The following MEX3D variants were observed in gnomAD, a reference collection of about 807,000 sequenced individuals.
MEX3D encodes the protein mex-3 RNA binding family member D, also known as RNA-binding protein MEX3D.
Under a neutral mutation model 6.3 loss-of-function variants are expected in MEX3D, and 4 were observed. The observed-to-expected ratio is 0.64, with a 90% CI of 0.31 to 1.46. The LOEUF (loss-of-function observed/expected upper bound fraction) is 1.46, where lower values mean the gene tolerates loss of function less well. Among genes scored for constraint, MEX3D ranks in the 40% most tolerant of loss-of-function variants. The pLI is 0.07. For synonymous variants in MEX3D, 626 were observed against 494.1 expected (o/e 1.27, Z -3.54); for missense variants, 1,038 against 994.4 (o/e 1.04, Z -0.59).
In MEX3D at chr19:1,556,413, G is replaced by A; in HGVS notation, c.1106C>T (p.Ala369Val). 3 of 1,577,764 alleles carry A rather than the reference G, an allele frequency of 1.9e-6. No homozygotes were observed. Among genetic ancestry groups the A allele is most frequent in the South Asian group, 1.1e-5 (1 of 89,438 alleles). Residue 369 changes from alanine to valine, a missense_variant, in exon 2 of 2, where the codon GCC (alanine) becomes GTC (valine). This residue lies in a region of MEX3D where 581 missense variants were observed against 516.2 expected (regional missense o/e 1.13). Coordinates refer to ENST00000402693, the MANE Select transcript of MEX3D (RefSeq NM_203304.4). The surrounding 1 kb of genome is among the most constrained non-coding windows in gnomAD (Gnocchi z 7.5). ...TDVCLDLLGA[A>V]ASLWAKTPNQ... ...GGGGGTCTTGGCCCAGAGGCTGGCG[G>A]CCGCCCCGAGCAGGTCCAGGCAGAC...
At position 1,555,293 on chromosome 19, in the gene MEX3D, G is replaced by A; in HGVS notation, c.*270C>T. The A allele has an allele frequency of 6.4e-7, 1 of 1,567,362 alleles. No homozygotes were observed. The highest frequency in any genetic ancestry group is 8.7e-7 in the Non-Finnish European group (1 of 1,150,910). ...AATAAGAAAACTAAAAAAAGTGCAA[G>A]CGGACCTTTTCTCTCCGGTTTATTG... On this transcript the variant is annotated 3_prime_UTR_variant, in exon 2 of 2. Transcript: ENST00000402693.
Position 1,567,717 on chromosome 19 carries a change from G to T in MEX3D, c.342C>A (p.Thr114=). Residue 114 remains threonine (T), a synonymous_variant, in exon 1 of 2, where the codon ACC becomes ACA. Transcript: ENST00000402693. The surrounding 1 kb of genome is among the most constrained non-coding windows in gnomAD (Gnocchi z 6.5). ...ACCCGGGGGCCACGGCGGGGGCCAG[G>T]GTCGGGGGCGCGCCGGCCTCAGGTC... ...PDGPEAGAPP[T]LAPAVAPGSL... 2.0e-6 allele frequency: 2 copies of T among 1,015,946 alleles called. No homozygotes were observed. The highest frequency in any genetic ancestry group is 2.4e-6 in the Non-Finnish European group (2 of 841,684). The allele number at this position is 1,015,946 out of a possible 1,614,324, so 62.9% of individuals were successfully genotyped here.
At position 1,555,372 on chromosome 19, in the gene MEX3D, G is replaced by A. The variant is rs752108835; in HGVS notation, c.*191C>T. On this transcript the variant is annotated 3_prime_UTR_variant, in exon 2 of 2. Coordinates refer to ENST00000402693, the MANE Select transcript of MEX3D (RefSeq NM_203304.4). ...AGGGCTGAGGCGCCGCCGGGCTGCG[G>A]GGTCTCCGTCTCCACGCCTGAGGCG... is the stretch of plus-strand genomic sequence containing the variant. 11 of 1,602,040 alleles carry A rather than the reference G, an allele frequency of 6.9e-6. No homozygotes were observed. Among genetic ancestry groups the A allele is most frequent in the Non-Finnish European group, 8.5e-6 (10 of 1,173,872 alleles).
chr19:1,560,028 G>GTCTCTCCTAACATGCCTGAC (rs1914679001), intron 1 of MEX3D, among the ~76,000 whole-genome samples: 1 of 152,238 alleles, frequency 6.6e-6, no homozygotes, highest in African/African-American at 2.4e-5. Flanking sequence ...GCTCTTCTGA[G>GTCTCTCCTAACATGCCTGAC]TCTCTCCTAA....
intron 1 of MEX3D, among the ~76,000 whole-genome samples, chr19:1,557,847 C>T (rs1200402975): frequency 4.0e-4 from 38 of 94,864 alleles, no homozygotes; most frequent in Non-Finnish European, 5.8e-4. Flanking sequence ...GGTGACAGAG[C>T]GAGACTGTCT....
chr19:1,567,453 G>C lies in MEX3D; in HGVS notation c.595+11C>G, dbSNP rs1185271832. On this transcript the variant is annotated intron_variant, in intron 1 of 1. Transcript: ENST00000402693. The surrounding 1 kb of genome is among the most constrained non-coding windows in gnomAD (Gnocchi z 6.5). Reference sequence around the variant, plus strand: ...CCCCCAGGACAGCAACCCCCGACGAGGGCCACTCACCCTGGCGACCCACGA... The same window carrying C: ...CCCCCAGGACAGCAACCCCCGACGACGGCCACTCACCCTGGCGACCCACGA... The C allele has an allele frequency of 6.4e-7, 1 of 1,560,814 alleles. No homozygotes were observed. Among genetic ancestry groups the C allele is most frequent in the African/African-American group, 1.4e-5 (1 of 70,374 alleles).
chr19:1,557,424 G>A (rs1914602347), intron 1 of MEX3D, among the ~76,000 whole-genome samples: 1 of 151,330 alleles, frequency 6.6e-6, no homozygotes, highest in South Asian at 2.1e-4. Context: ...CAATCATCCG[G>A]GTGTAGCGGC....
At position 1,567,612 on chromosome 19, in the gene MEX3D, G is replaced by T; in HGVS notation, c.447C>A (p.Gly149=). 1 of 1,408,008 alleles carries T rather than the reference G, an allele frequency of 7.1e-7. No homozygotes were observed. The highest frequency in any genetic ancestry group is 9.3e-7 in the Non-Finnish European group (1 of 1,076,094). 87.2% of individuals were successfully genotyped at this position (1,408,008 alleles called of 1,614,324 possible). The change falls in exon 1 of 2, where the codon GGC becomes GGA. Residue 149 remains glycine, a synonymous_variant. Coordinates refer to ENST00000402693, the MANE Select transcript of MEX3D (RefSeq NM_203304.4). The surrounding 1 kb of genome is among the most constrained non-coding windows in gnomAD (Gnocchi z 6.5). ...PRPSPPDVFA[G]FAPHPAALGP... ...CCAGGGCCGCGGGGTGGGGCGCGAAGCCCGCGAACACGTCGGGGGGCGACG... is the reference window on the plus strand; with the variant it reads ...CCAGGGCCGCGGGGTGGGGCGCGAATCCCGCGAACACGTCGGGGGGCGACG...
At position 1,567,436 on chromosome 19, in the gene MEX3D, A is replaced by G; in HGVS notation, c.595+28T>C. On this transcript the variant is annotated intron_variant, in intron 1 of 1. Coordinates refer to ENST00000402693, the MANE Select transcript of MEX3D (RefSeq NM_203304.4). The surrounding 1 kb of genome is among the most constrained non-coding windows in gnomAD (Gnocchi z 6.5). ...GGCGGACGGTGCGGGGACCCCCAGGACAGCAACCCCCGACGAGGGCCACTC... is the reference window on the plus strand; with the variant it reads ...GGCGGACGGTGCGGGGACCCCCAGGGCAGCAACCCCCGACGAGGGCCACTC... 1.3e-6 allele frequency: 2 copies of G among 1,550,082 alleles called. No individual in the cohort carries two copies. Among genetic ancestry groups the G allele is most frequent in the Non-Finnish European group, 1.7e-6 (2 of 1,152,060 alleles).
In MEX3D at chr19:1,556,935, G is replaced by C. The variant is rs780335819; in HGVS notation, c.596-12C>G. ...CTTGATCTTGCAGCCTGTCCGGGAG[G>C]GAGGGGAAGGACAAGGTGACCCAGA... On this transcript the variant is annotated splice_polypyrimidine_tract_variant and intron_variant, in intron 1 of 1. Coordinates refer to ENST00000402693, the MANE Select transcript of MEX3D (RefSeq NM_203304.4). This position sits in a 1 kb window ranked among gnomAD's most constrained non-coding sequence, Gnocchi z 7.5. 4.2e-5 allele frequency: 66 copies of C among 1,584,386 alleles called. No homozygotes were observed. The highest frequency in any genetic ancestry group is 5.5e-5 in the Non-Finnish European group (64 of 1,168,268).
At chr19:1,566,286 G>A (rs1599329325) in intron 1 of MEX3D, among the ~76,000 whole-genome samples, 1 of 152,174 alleles carries the variant, frequency 6.6e-6, no homozygotes, top group East Asian at 1.9e-4. Context: ...CCCCACATGA[G>A]CTGGACAAAT....
At chr19:1,559,010 A>ATTTTTT in intron 1 of MEX3D, among the ~76,000 whole-genome samples, 1 of 147,336 alleles carries the variant, frequency 6.8e-6, no homozygotes, top group Non-Finnish European at 1.5e-5. Flanking sequence ...CTTTTTTGAG[A>ATTTTTT]TTATCTCACT....
rs1390782365 is a variant in MEX3D at position 1,568,134 on chromosome 19, C to A, written c.-76G>T. 8 of 975,954 alleles carry A rather than the reference C, an allele frequency of 8.2e-6. No homozygotes were observed. Among genetic ancestry groups the A allele is most frequent in the Non-Finnish European group, 9.7e-6 (8 of 825,894 alleles). The allele number at this position is 975,954 out of a possible 1,614,324, so 60.5% of individuals were successfully genotyped here. Reference sequence around the variant, plus strand: ...CCGCCCGCGCCGCCCTCCGCCTCTGCGAGCTGGGCCGCCGGCCGCCTGCAT... The same window carrying A: ...CCGCCCGCGCCGCCCTCCGCCTCTGAGAGCTGGGCCGCCGGCCGCCTGCAT... On this transcript the variant is annotated 5_prime_UTR_variant, in exon 1 of 2. Transcript: ENST00000402693.
chr19:1,563,890 C>G (rs1158385822), intron 1 of MEX3D, among the ~76,000 whole-genome samples: 1 of 152,126 alleles, frequency 6.6e-6, no homozygotes, highest in East Asian at 1.9e-4. Flanking sequence ...TCACTGCAGC[C>G]TCGACCGCCC....
In MEX3D at chr19:1,556,079, G is replaced by C; in HGVS notation, c.1440C>G (p.Ala480=). The change falls in exon 2 of 2, where the codon GCC becomes GCG. Residue 480 remains alanine, a synonymous_variant. Transcript: ENST00000402693. The surrounding 1 kb of genome is among the most constrained non-coding windows in gnomAD (Gnocchi z 7.5). ...ATIWAPFERA[A]PLPAFSGCST... Reference sequence around the variant, plus strand: ...AGCAGCCGCTGAAGGCGGGCAAGGGGGCGGCGCGCTCAAAAGGCGCCCAGA... The same window carrying C: ...AGCAGCCGCTGAAGGCGGGCAAGGGCGCGGCGCGCTCAAAAGGCGCCCAGA... The C allele has an allele frequency of 7.0e-7, 1 of 1,431,256 alleles. No individual in the cohort carries two copies. The highest frequency in any genetic ancestry group is 3.4e-5 in the East Asian group (1 of 29,628). 88.7% of individuals were successfully genotyped at this position (1,431,256 alleles called of 1,614,324 possible). A position where few individuals can be genotyped will look rare whatever the true frequency, so the allele number is the denominator to read the frequency against.
Position 1,567,678 on chromosome 19 carries a change from C to T in MEX3D, c.381G>A (p.Leu127=). The stretch of plus-strand genomic sequence containing the variant: ...GCGGCGGGGGACTCGCGTTGGGGTC[C>T]AGCAGCGGCAGCGACCCGGGGGCCA... ...PAVAPGSLPL[L]DPNASPPPPP... is the part of the protein sequence containing the mutation. Residue 127 remains leucine (L), a synonymous_variant, in exon 1 of 2, where the codon CTG becomes CTA. Transcript: ENST00000402693. This position sits in a 1 kb window ranked among gnomAD's most constrained non-coding sequence, Gnocchi z 6.5. 8.7e-7 allele frequency: 1 copy of T among 1,152,234 alleles called. No homozygotes were observed. The highest frequency in any genetic ancestry group is 1.6e-5 in the African/African-American group (1 of 61,106). The allele number at this position is 1,152,234 out of a possible 1,614,324, so 71.4% of individuals were successfully genotyped here.
chr19:1,556,767 C>G lies in MEX3D; in HGVS notation c.752G>C (p.Arg251Pro). ...ACCCCCGGCCTTGCTGCGCGTGGCG[C>G]GGATGATGGAGAAGTGTTCGGCCGC... Reference protein sequence around the residue: ...LSAAEHFSIIRATRSKAGGLP... With the variant: ...LSAAEHFSIIPATRSKAGGLP... The change falls in exon 2 of 2, where the codon CGC (arginine) becomes CCC (proline). Residue 251 changes from arginine (R) to proline (P), a missense_variant. This residue lies in a region of MEX3D where 52 missense variants were observed against 37.4 expected (regional missense o/e 1.39). Transcript: ENST00000402693. This position sits in a 1 kb window ranked among gnomAD's most constrained non-coding sequence, Gnocchi z 7.5. 6.2e-7 allele frequency: 1 copy of G among 1,612,486 alleles called. No individual in the cohort carries two copies. Among genetic ancestry groups the G allele is most frequent in the Non-Finnish European group, 8.5e-7 (1 of 1,179,752 alleles).
rs1437753944 is a variant in MEX3D at position 1,555,728 on chromosome 19, C to T, written c.1791G>A (p.Ala597=). Residue 597 remains alanine (A), a synonymous_variant, in exon 2 of 2, where the codon GCG becomes GCA. Transcript: ENST00000402693. The part of the protein sequence containing the change: ...PPSASSAPAL[A]RECVVCAEGE... ...CCTCGGCGCACACCACGCACTCTCG[C>T]GCCAGGGCCGGGGCCGAGGACGCCG... The T allele has an allele frequency of 2.0e-6, 3 of 1,529,128 alleles. No homozygotes were observed. Among genetic ancestry groups the T allele is most frequent in the South Asian group, 1.2e-5 (1 of 82,916 alleles). The allele number at this position is 1,529,128 out of a possible 1,614,324, so 94.7% of individuals were successfully genotyped here.
chr19:1,557,573 A>AAAAAAAG (rs1432108852), intron 1 of MEX3D, among the ~76,000 whole-genome samples: 1 of 141,900 alleles, frequency 7.0e-6, no homozygotes, highest in Non-Finnish European at 1.5e-5. Flanking sequence ...CTAAAAAAAA[A>AAAAAAAG]AAAAAAGCGG....
Sources: allele counts gnomAD v4.1 joint callset (sites outside exome capture counted in the v4.1 genomes callset), GRCh38; gene constraint gnomAD v4.1.1; regional missense constraint gnomAD v4.1.1; non-coding constraint Gnocchi (gnomAD v3.1); transcripts MANE v1.5; gene names NCBI Gene and HGNC (gene_info 2026-07-23, HGNC 2026-07-21).